The following DST variants were observed in gnomAD, a reference collection of about 807,000 sequenced individuals.
DST encodes the protein dystonin.
In DST, 253 loss-of-function variants were observed where a neutral mutation model predicts 875.2. The ratio of observed to expected loss-of-function variants is 0.29; its 90% CI spans 0.26 to 0.32. The LOEUF (loss-of-function observed/expected upper bound fraction) is 0.32, where lower values mean the gene tolerates loss of function less well. Ranked by LOEUF, DST falls within the 10% of genes least tolerant of loss-of-function variation. DST has a pLI of 1.00. For synonymous variants in DST, 3,124 were observed against 3,197.1 expected (o/e 0.98, Z 0.77); for missense variants, 8,287 against 9,111.6 (o/e 0.91, Z 3.68).
At chr6:56,834,135 G>A (rs1010979765) in intron 4 of DST, among the ~76,000 whole-genome samples, 7 of 152,178 alleles carry the variant, frequency 4.6e-5, no homozygotes, top group African/African-American at 9.7e-5. Flanking sequence ...GGCTGAGGCA[G>A]GAGGAGCTGC....
At chr6:56,742,403 G>A (rs1032010089) in intron 4 of DST, 2 of 1,259,584 alleles carry the variant, frequency 1.6e-6, no homozygotes, top group African/African-American at 3.1e-5. Flanking sequence ...ATGTGTCAGA[G>A]TCCTGTTAAC....
chr6:56,478,717 GATTACACA>G (rs1038020642), intron 90 of DST, among the ~76,000 whole-genome samples: 9 of 152,246 alleles, frequency 5.9e-5, no homozygotes, highest in Middle Eastern at 3.4e-3. Context: ...GCGATTACTT[GATTACACA>G]ATGAGTGCCA....
intron 36 of DST, chr6:56,616,875 C>T: frequency 1.2e-6 from 2 of 1,613,990 alleles, no homozygotes; most frequent in South Asian, 1.1e-5. Context: ...TCAACAACTC[C>T]TTTAAGAACT....
chr6:56,900,749 T>A, intron 2 of DST, 128 bp from the exon 3 acceptor site: 1 of 593,648 alleles, frequency 1.7e-6, no homozygotes, highest in Non-Finnish European at 2.5e-6. Context: ...ACTCCCAAAG[T>A]GAGCATGGAG....
At chr6:56,783,627 T>C (rs905445355) in intron 4 of DST, among the ~76,000 whole-genome samples, 3 of 152,090 alleles carry the variant, frequency 2.0e-5, no homozygotes, top group Non-Finnish European at 4.4e-5. Flanking sequence ...TCTCTGCACG[T>C]GAGATGGGTT....
intron 4 of DST, among the ~76,000 whole-genome samples, chr6:56,753,344 T>C (rs1347735865): frequency 6.6e-6 from 1 of 152,154 alleles, no homozygotes. Context: ...CATATAAGCA[T>C]TTTCCTCTCA....
At position 56,620,318 on chromosome 6, in the gene DST, C is replaced by T. The variant is rs147516378; in HGVS notation, c.4929+4212G>A. The T allele has an allele frequency of 1.3e-5, 21 of 1,613,964 alleles. No individual in the cohort carries two copies. The highest frequency in any genetic ancestry group is 8.0e-5 in the African/African-American group (6 of 74,874). The stretch of plus-strand genomic sequence containing the variant: ...AAAGGTGTTTTCCTCCAACTGATTG[C>T]GAAAATTCAGGAGGTTCTCTTCCAC... On this transcript the variant is annotated intron_variant, in intron 36 of 103. Transcript: ENST00000680361.
chr6:56,786,436 T>TGAA (rs750552895), intron 4 of DST, among the ~76,000 whole-genome samples: 7 of 152,258 alleles, frequency 4.6e-5, no homozygotes, highest in Non-Finnish European at 7.3e-5. Context: ...ACCTACTTGC[T>TGAA]GTTTCCTATG....
intron 4 of DST, among the ~76,000 whole-genome samples, chr6:56,840,096 T>C (rs1435827835): frequency 6.6e-6 from 1 of 152,234 alleles, no homozygotes; most frequent in Non-Finnish European, 1.5e-5. Context: ...GAATGAAATG[T>C]ATTGAATTCA....
chr6:56,903,760 AAAT>A (rs1795156756), intron 2 of DST, among the ~76,000 whole-genome samples: 2 of 152,174 alleles, frequency 1.3e-5, no homozygotes, highest in Non-Finnish European at 2.9e-5. Context: ...ATGCGGCCAA[AAAT>A]TCTAAACCAC....
At chr6:56,737,561 T>C (rs533775395) in intron 4 of DST, among the ~76,000 whole-genome samples, 1 of 152,352 alleles carries the variant, frequency 6.6e-6, no homozygotes, top group South Asian at 2.1e-4. Context: ...GGCTAACATA[T>C]TGAAAAGCAG....
Position 56,482,747 on chromosome 6 carries a change from C to A in DST, c.21338G>T (p.Arg7113Leu). ...VKVQMQELST[R>L]WETVCALSIS... ...AGAAAGTGCACACACGGTCTCCCAG[C>A]GTGTGCTTAATTCCTGCATCTGGAC... Residue 7113 changes from arginine (R) to leucine (L), a missense_variant, in exon 89 of 104, where the codon CGC (arginine) becomes CTC (leucine). Around this residue, in one of 10 missense-constraint regions of DST, gnomAD observed 1,292 missense variants for 1,552.7 expected, o/e 0.83. Coordinates refer to ENST00000680361, the MANE Select transcript of DST (RefSeq NM_001374736.1). 6.2e-7 allele frequency: 1 copy of A among 1,613,896 alleles called. No individual in the cohort carries two copies. Among genetic ancestry groups the A allele is most frequent in the Non-Finnish European group, 8.5e-7 (1 of 1,179,828 alleles).
chr6:56,930,210 C>G (rs1809437706), intron 2 of DST, among the ~76,000 whole-genome samples: 1 of 152,218 alleles, frequency 6.6e-6, no homozygotes. Flanking sequence ...TATGCCGTAT[C>G]TTGGTTTTTC....
chr6:56,939,695 T>C (rs1165644233), intron 2 of DST, among the ~76,000 whole-genome samples: 1 of 152,104 alleles, frequency 6.6e-6, no homozygotes, highest in Non-Finnish European at 1.5e-5. Flanking sequence ...ATTTTATTTT[T>C]ATAGATGTCT....
intron 4 of DST, among the ~76,000 whole-genome samples, chr6:56,822,021 C>T (rs999072814): frequency 6.6e-6 from 1 of 152,046 alleles, no homozygotes; most frequent in Non-Finnish European, 1.5e-5. Context: ...AAAGACTTTG[C>T]GGATTATAAG....
Position 56,601,632 on chromosome 6 carries a change from A to G in DST, c.11352T>C (p.Thr3784=). 6.3e-7 allele frequency: 1 copy of G among 1,594,484 alleles called. No homozygotes were observed. Residue 3784 remains threonine, a synonymous_variant, in exon 44 of 104, where the codon ACT becomes ACC. Coordinates refer to ENST00000680361, the MANE Select transcript of DST (RefSeq NM_001374736.1). The part of the protein sequence containing the change: ...DLGHTKMQLE[T]TAFDVQFFIS... ...TGAAGAACTGCACATCAAAGGCAGT[A>G]GTCTCCAGCTGCATTTTGGTATGTC...
At chr6:56,533,533 GT>G (rs1425341669) in intron 63 of DST, among the ~76,000 whole-genome samples, 48 of 152,180 alleles carry the variant, frequency 3.2e-4, no homozygotes, top group Non-Finnish European at 4.4e-5. Context: ...GTTGGCACAG[GT>G]TTTTATATAC....
intron 36 of DST, chr6:56,615,784 C>G: frequency 6.2e-7 from 1 of 1,614,162 alleles, no homozygotes; most frequent in Non-Finnish European, 8.5e-7. Flanking sequence ...ACCCTCCTGT[C>G]AAGTACTGAA....
rs541243573 is a variant in DST, at chr6:56,813,499, A to G, written c.625+37898T>C. The stretch of plus-strand genomic sequence containing the variant: ...TTTCTTAAGAAATACAAATTTGCCT[A>G]AAGAAACTACAAAGAAATATTTAAA... On this transcript the variant is annotated intron_variant, in intron 4 of 103. Coordinates refer to ENST00000680361, the MANE Select transcript of DST (RefSeq NM_001374736.1). Among the ~76,000 whole-genome samples, 8 of 152,296 alleles carry G rather than the reference A, an allele frequency of 5.3e-5. 1 individual carries two copies. The South Asian group carries it at 1.0e-3, about 20-fold the overall frequency.
Sources: gnomAD v4.1 joint callset for allele counts (sites outside exome capture counted in the v4.1 genomes callset) on GRCh38, gnomAD v4.1.1 for gene constraint, gnomAD v4.1.1 regional missense constraint, MANE v1.5 for transcripts, NCBI Gene and HGNC (gene_info 2026-07-23, HGNC 2026-07-21) for gene names.